LDB2: variants seen among roughly 807,000 people sequenced by gnomAD.
LDB2 encodes the protein LIM domain binding 2.
Under a neutral mutation model 44.3 loss-of-function variants are expected in LDB2, and 12 were observed. The observed-to-expected ratio is 0.27, with a 90% CI of 0.17 to 0.44. The LOEUF is 0.44. Among genes scored for constraint, LDB2 ranks in the 20% least tolerant of loss-of-function variants. The probability of loss-of-function intolerance (pLI) is 1.00; values close to 1 mark genes in which losing one functional copy is unlikely to be tolerated. For synonymous variants in LDB2, 164 were observed against 174.8 expected (o/e 0.94, Z 0.49); for missense variants, 344 against 473.5 (o/e 0.73, Z 2.54).
At chr4:16,762,530 G>T (rs1337330242) in intron 1 of LDB2, among the ~76,000 whole-genome samples, 1 of 152,104 alleles carries the variant, frequency 6.6e-6, no homozygotes. Context: ...GGAGAGGAAT[G>T]AATGCCCAGT....
chr4:16,878,331 C>A (rs1252775436), intron 1 of LDB2, among the ~76,000 whole-genome samples: 3 of 152,182 alleles, frequency 2.0e-5, no homozygotes, highest in African/African-American at 4.8e-5. Flanking sequence ...AAGATAAAGC[C>A]TGAGAAGGGT....
intron 1 of LDB2, among the ~76,000 whole-genome samples, chr4:16,766,502 GTGTA>G (rs1214258618): frequency 1.6e-4 from 14 of 88,034 alleles, no homozygotes; most frequent in African/African-American, 5.3e-4. Flanking sequence ...GTGTGTGTGT[GTGTA>G]TATATTTTTT....
chr4:16,710,868 C>G (rs1385399067), intron 2 of LDB2, among the ~76,000 whole-genome samples: 1 of 152,126 alleles, frequency 6.6e-6, no homozygotes, highest in East Asian at 1.9e-4. Context: ...GGGAAAGATG[C>G]AAAGCTGTGG....
chr4:16,624,443 T>A (rs1187269977), intron 2 of LDB2, among the ~76,000 whole-genome samples: 1 of 152,124 alleles, frequency 6.6e-6, no homozygotes, highest in Non-Finnish European at 1.5e-5. Flanking sequence ...AAATAAAAAA[T>A]ATATAAAATG....
intron 2 of LDB2, among the ~76,000 whole-genome samples, chr4:16,614,926 C>T (rs373285658): frequency 1.3e-3 from 188 of 150,376 alleles, no homozygotes; most frequent in African/African-American, 4.3e-3. Context: ...AAAAATTAGC[C>T]GGGCGTAGTG....
intron 1 of LDB2, among the ~76,000 whole-genome samples, chr4:16,760,339 T>C (rs1036804767): frequency 4.6e-5 from 7 of 152,166 alleles, no homozygotes; most frequent in Non-Finnish European, 8.8e-5. Context: ...TTGTTGTCAC[T>C]GGCAGGCCTT....
chr4:16,663,563 G>A (rs1560800464), intron 2 of LDB2, among the ~76,000 whole-genome samples: 2 of 152,190 alleles, frequency 1.3e-5, no homozygotes, highest in Non-Finnish European at 2.9e-5. Context: ...AATTTGGATG[G>A]TTTTGTTTCA....
intron 2 of LDB2, among the ~76,000 whole-genome samples, chr4:16,688,277 A>T (rs1004739199): frequency 4.6e-5 from 7 of 152,174 alleles, no homozygotes; most frequent in African/African-American, 1.7e-4. Context: ...GAAATAAAAA[A>T]TTTTTGAATA....
intron 2 of LDB2, among the ~76,000 whole-genome samples, chr4:16,671,113 A>C (rs1306505755): frequency 8.0e-6 from 1 of 124,704 alleles, no homozygotes; most frequent in Non-Finnish European, 1.9e-5. Flanking sequence ...ACATACAAAA[A>C]AAAAAAACAA....
intron 5 of LDB2, among the ~76,000 whole-genome samples, chr4:16,530,818 C>G (rs1032479349): frequency 6.6e-6 from 1 of 152,162 alleles, no homozygotes; most frequent in African/African-American, 2.4e-5. Flanking sequence ...GGCTGGCACA[C>G]AACTAGTTAC....
At chr4:16,637,668 T>A (rs1733992427) in intron 2 of LDB2, among the ~76,000 whole-genome samples, 2 of 152,108 alleles carry the variant, frequency 1.3e-5, no homozygotes, top group Admixed American at 1.3e-4. Context: ...GGAGACTTAA[T>A]TAAGATAGGG....
At chr4:16,622,927 G>C (rs1479411596) in intron 2 of LDB2, among the ~76,000 whole-genome samples, 1 of 152,162 alleles carries the variant, frequency 6.6e-6, no homozygotes, top group African/African-American at 2.4e-5. Context: ...TTATCATTCT[G>C]TCAGTGTTCA....
At chr4:16,786,379 T>A (rs1774429178) in intron 1 of LDB2, among the ~76,000 whole-genome samples, 2 of 152,190 alleles carry the variant, frequency 1.3e-5, no homozygotes, top group Admixed American at 1.3e-4. Context: ...AACTAGAATG[T>A]GAACTCAAGG....
intron 2 of LDB2, among the ~76,000 whole-genome samples, chr4:16,660,131 C>A (rs992197020): frequency 6.6e-6 from 1 of 152,040 alleles, no homozygotes; most frequent in African/African-American, 2.4e-5. Context: ...CATAGAGATA[C>A]CCTAAAGATA....
intron 2 of LDB2, among the ~76,000 whole-genome samples, chr4:16,639,805 C>T (rs1032985520): frequency 2.6e-5 from 4 of 152,200 alleles, no homozygotes; most frequent in Non-Finnish European, 5.9e-5. Flanking sequence ...GCATTAAATT[C>T]ATTCCTTCAA....
At chr4:16,895,170 T>C (rs933371702) in intron 1 of LDB2, among the ~76,000 whole-genome samples, 1 of 150,942 alleles carries the variant, frequency 6.6e-6, no homozygotes, top group Non-Finnish European at 1.5e-5. Context: ...AGGGACACTG[T>C]TGGTAATTTG....
Position 16,645,262 on chromosome 4 carries a change from C to T in LDB2, c.236-49387G>A, listed in dbSNP as rs191295205. ...TTTTAAAAAAGGATTGGTGGCCGGG[C>T]GCGGTGGCTCACGCCTGTAATCCCA... On this transcript the variant is annotated intron_variant, in intron 2 of 7. Transcript: ENST00000304523. 5.1e-4 allele frequency among the ~76,000 whole-genome samples: 78 copies of T among 152,230 alleles called. 1 individual carries two copies. The highest frequency in any genetic ancestry group is 1.7e-3 in the African/African-American group (72 of 41,550).
chr4:16,898,465 G>A lies in LDB2; in HGVS notation c.21C>T (p.Asp7=), dbSNP rs1560150866. The A allele has an allele frequency of 1.2e-6, 2 of 1,613,800 alleles. No individual in the cohort carries two copies. The highest frequency in any genetic ancestry group is 1.3e-5 in the African/African-American group (1 of 74,966). Reference sequence around the variant, plus strand: ...GGCCGAAAGGAGAAGAATAGAAGGGGTCATGTGGTGTGCTGGACATCTTGC... The same window carrying A: ...GGCCGAAAGGAGAAGAATAGAAGGGATCATGTGGTGTGCTGGACATCTTGC... MSSTPH[D]PFYSSPFGPF... is the part of the protein sequence containing the mutation. Residue 7 remains aspartate, a synonymous_variant, in exon 1 of 8, where the codon GAC becomes GAT. Transcript: ENST00000304523.
intron 1 of LDB2, among the ~76,000 whole-genome samples, chr4:16,811,768 G>A (rs1026720640): frequency 2.6e-5 from 4 of 152,070 alleles, no homozygotes; most frequent in Admixed American, 6.6e-5. Context: ...ATAAAAATGC[G>A]GTTAGTAAAT....
Sources: allele counts gnomAD v4.1 joint callset (sites outside exome capture counted in the v4.1 genomes callset), GRCh38; gene constraint gnomAD v4.1.1; transcripts MANE v1.5; gene names NCBI Gene and HGNC (gene_info 2026-07-23, HGNC 2026-07-21).